Variants in KLRG1 observed in about 807,000 individuals in gnomAD.
KLRG1 encodes killer cell lectin like receptor G1, also known as killer cell lectin-like receptor subfamily G member 1.
KLRG1 carries 16 observed loss-of-function variants against 21.8 expected under a neutral mutation model. The observed-to-expected ratio is 0.73, with a 90% CI of 0.50 to 1.11. KLRG1 has a LOEUF of 1.11. Among genes scored for constraint, KLRG1 ranks in the 50% most tolerant of loss-of-function variants. The pLI is 0.00. For synonymous variants in KLRG1, 69 were observed against 75.9 expected (o/e 0.91, Z 0.47); for missense variants, 173 against 218.3 (o/e 0.79, Z 1.31).
chr12:9,070,849 T>C, the KLRG1 span, among the ~76,000 whole-genome samples: 1 of 151,922 alleles, frequency 6.6e-6, no homozygotes, highest in Non-Finnish European at 1.5e-5. Context: ...ATGGAGTTTT[T>C]CACTCTTCTT....
chr12:9,181,224 T>G, the KLRG1 span: 1 of 1,483,980 alleles, frequency 6.7e-7, no homozygotes, highest in Non-Finnish European at 9.2e-7. Context: ...TTATATTCAG[T>G]TCATATGACT....
At chr12:9,197,010 A>G in the KLRG1 span, 1 of 1,592,138 alleles carries the variant, frequency 6.3e-7, no homozygotes, top group Non-Finnish European at 8.6e-7. Flanking sequence ...CCGCCTACTA[A>G]CCTGTTGACT....
At chr12:9,203,758 T>C in the KLRG1 span, 2 of 1,613,834 alleles carry the variant, frequency 1.2e-6, no homozygotes, top group East Asian at 2.2e-5. Context: ...GCTGGCACCG[T>C]AGCACTCACA....
chr12:9,093,920 A>G, the KLRG1 span, among the ~76,000 whole-genome samples: 43 of 149,342 alleles, frequency 2.9e-4, no homozygotes, highest in African/African-American at 1.0e-3. Flanking sequence ...AACAAACAAC[A>G]AAAAAAAACA....
At chr12:9,050,159 A>G in the KLRG1 span, among the ~76,000 whole-genome samples, 1 of 152,214 alleles carries the variant, frequency 6.6e-6, no homozygotes, top group Non-Finnish European at 1.5e-5. Context: ...AACGTGTCAC[A>G]TTGGTGCAAA....
At chr12:9,079,231 G>T in the KLRG1 span, 2 of 1,609,962 alleles carry the variant, frequency 1.2e-6, no homozygotes, top group Non-Finnish European at 1.7e-6. Context: ...TCAAAAAATT[G>T]TTCTTTCCTT....
At chr12:9,041,882 T>G in the KLRG1 span, among the ~76,000 whole-genome samples, 1 of 152,196 alleles carries the variant, frequency 6.6e-6, no homozygotes, top group African/African-American at 2.4e-5. Context: ...TGGAGTGGTT[T>G]GCGTGCAGCA....
chr12:9,144,747 A>C, the KLRG1 span, among the ~76,000 whole-genome samples: 4 of 152,154 alleles, frequency 2.6e-5, no homozygotes, highest in African/African-American at 9.7e-5. Context: ...GTCTCTGGTC[A>C]GAGGGAAAGT....
chr12:9,113,488 A>G, the KLRG1 span: 1 of 1,613,768 alleles, frequency 6.2e-7, no homozygotes, highest in Non-Finnish European at 8.5e-7. Flanking sequence ...AGAAGGACAC[A>G]GCCCTTCTCA....
intron 1 of KLRG1, among the ~76,000 whole-genome samples, chr12:8,960,164 T>C (rs1239752341): frequency 6.6e-6 from 1 of 152,190 alleles, no homozygotes; most frequent in East Asian, 1.9e-4. Context: ...CAATTCCCCC[T>C]ACTTAATGCA....
chr12:9,108,332 T>C, the KLRG1 span, among the ~76,000 whole-genome samples: 3 of 152,244 alleles, frequency 2.0e-5, no homozygotes, highest in Non-Finnish European at 4.4e-5. Context: ...TTCACCATGT[T>C]AGCCAGGATG....
the KLRG1 span, chr12:9,202,797 G>T: frequency 2.0e-6 from 2 of 1,016,758 alleles, no homozygotes; most frequent in South Asian, 1.6e-5. Flanking sequence ...GAGAAGGAAG[G>T]TGTGACTATT....
the KLRG1 span, chr12:9,101,447 C>T: frequency 3.7e-6 from 6 of 1,609,774 alleles, no homozygotes; most frequent in South Asian, 1.1e-5. Context: ...CCCTTCTCAC[C>T]AGATAATAGA....
chr12:9,110,131 T>C, the KLRG1 span: 1 of 1,357,050 alleles, frequency 7.4e-7, no homozygotes. Context: ...TACAAAAAGG[T>C]CAAATGGGGT....
the KLRG1 span, among the ~76,000 whole-genome samples, chr12:9,094,649 C>T: frequency 6.6e-6 from 1 of 152,030 alleles, no homozygotes; most frequent in Non-Finnish European, 1.5e-5. Flanking sequence ...GTGGTTCCAA[C>T]ATAAATATTG....
the KLRG1 span, among the ~76,000 whole-genome samples, chr12:9,083,178 G>A: frequency 1.3e-5 from 2 of 152,218 alleles, no homozygotes; most frequent in East Asian, 1.9e-4. Context: ...CTCATAGGTG[G>A]GAATTGAACA....
chr12:9,054,515 A>G, the KLRG1 span, among the ~76,000 whole-genome samples: 1 of 152,122 alleles, frequency 6.6e-6, no homozygotes, highest in African/African-American at 2.4e-5. Flanking sequence ...ACGTGTAATG[A>G]TCACTTATAA....
chr12:9,095,639 T>C, the KLRG1 span: 1 of 1,612,430 alleles, frequency 6.2e-7, no homozygotes, highest in Non-Finnish European at 8.5e-7. Context: ...GTCTTCATTG[T>C]CCTGGTCATT....
the KLRG1 span, among the ~76,000 whole-genome samples, chr12:9,163,385 A>G: frequency 6.6e-6 from 1 of 151,674 alleles, no homozygotes; most frequent in African/African-American, 2.4e-5. Flanking sequence ...CCCGGGAGGC[A>G]GAGCTTTCAG....
Sources: allele counts gnomAD v4.1 joint callset (sites outside exome capture counted in the v4.1 genomes callset), GRCh38; gene constraint gnomAD v4.1.1; transcripts MANE v1.5; gene names NCBI Gene and HGNC (gene_info 2026-07-23, HGNC 2026-07-21).